Variants in CRADD observed in about 807,000 individuals in gnomAD.
CRADD encodes the protein CARD and death domain containing adaptor protein, also known as death domain-containing protein CRADD.
In CRADD, 9 loss-of-function variants were observed where a neutral mutation model predicts 15.5. The ratio of observed to expected loss-of-function variants is 0.58; its 90% CI spans 0.35 to 1.01. The LOEUF is 1.01. CRADD is among the 50% of genes least tolerant of loss of function. CRADD has a pLI of 0.02. For synonymous variants in CRADD, 118 were observed against 107.6 expected (o/e 1.10, Z -0.60); for missense variants, 227 against 250.3 (o/e 0.91, Z 0.63).
intron 2 of CRADD, among the ~76,000 whole-genome samples, chr12:93,887,635 T>A (rs1279752289): frequency 6.6e-6 from 1 of 151,950 alleles, no homozygotes; most frequent in Non-Finnish European, 1.5e-5. Flanking sequence ...CTGACTGAAA[T>A]ACTTGCTTTA....
At chr12:93,874,927 C>G (rs1958448002) in intron 2 of CRADD, among the ~76,000 whole-genome samples, 1 of 151,992 alleles carries the variant, frequency 6.6e-6, no homozygotes, top group Non-Finnish European at 1.5e-5. Context: ...TAAATATTTA[C>G]TAGATCCATT....
intron 2 of CRADD, among the ~76,000 whole-genome samples, chr12:93,821,259 GC>G (rs1957766600): frequency 1.3e-5 from 2 of 152,166 alleles, no homozygotes; most frequent in South Asian, 4.1e-4. Flanking sequence ...GTTCTCCCCA[GC>G]CCGCATAGCT....
At chr12:93,789,926 T>C (rs1053051013) in intron 2 of CRADD, among the ~76,000 whole-genome samples, 2 of 152,230 alleles carry the variant, frequency 1.3e-5, no homozygotes, top group Non-Finnish European at 2.9e-5. Context: ...CTTGTTGTTT[T>C]GGGTCCTCTT....
chr12:93,784,418 G>C (rs1445129295), intron 2 of CRADD, among the ~76,000 whole-genome samples: 2 of 151,982 alleles, frequency 1.3e-5, no homozygotes, highest in Non-Finnish European at 2.9e-5. Flanking sequence ...GTTGCCCAAG[G>C]TTGCACGGTT....
chr12:93,807,981 C>CAAAAAAAAA, intron 2 of CRADD, among the ~76,000 whole-genome samples: 1 of 67,740 alleles, frequency 1.5e-5, no homozygotes, highest in Non-Finnish European at 2.7e-5. Context: ...AAGTGTTATG[C>CAAAAAAAAA]AAAAAAAAAA....
chr12:93,806,462 AAAAAAAAAAACAAAAAAAAG>A (rs1957539519), intron 2 of CRADD, among the ~76,000 whole-genome samples: 1 of 149,184 alleles, frequency 6.7e-6, no homozygotes, highest in Non-Finnish European at 1.5e-5. Flanking sequence ...AAAAAAAAAA[AAAAAAAAAAACAAAAAAAAG>A]AAAAAAAAGG....
At chr12:93,715,624 T>C (rs1394062947) in intron 2 of CRADD, among the ~76,000 whole-genome samples, 3 of 152,024 alleles carry the variant, frequency 2.0e-5, no homozygotes, top group African/African-American at 7.3e-5. Context: ...AATAAATAAA[T>C]AGAAATTTAA....
At chr12:93,768,536 A>G (rs1446008983) in intron 2 of CRADD, among the ~76,000 whole-genome samples, 2 of 151,892 alleles carry the variant, frequency 1.3e-5, no homozygotes, top group Non-Finnish European at 2.9e-5. Flanking sequence ...TTTTGAAATT[A>G]AGCAATTAAC....
At chr12:93,740,231 AGTT>A (rs1254354107) in intron 2 of CRADD, among the ~76,000 whole-genome samples, 1 of 152,204 alleles carries the variant, frequency 6.6e-6, no homozygotes, top group Non-Finnish European at 1.5e-5. Context: ...AAAACAGACC[AGTT>A]GTTTATTAGC....
chr12:93,852,708 T>G (rs1462818985), downstream of CRADD, among the ~76,000 whole-genome samples: 1 of 152,196 alleles, frequency 6.6e-6, no homozygotes, highest in Admixed American at 6.5e-5. Context: ...TGGGAGAAGA[T>G]TCTACAATTT....
At chr12:93,854,713 A>T (rs138167741), downstream of CRADD, among the ~76,000 whole-genome samples, 128 of 152,202 alleles carry the variant, frequency 8.4e-4, 1 homozygote, top group African/African-American at 3.0e-3. Context: ...CACAGAATGC[A>T]CATCCTTTGC....
intron 2 of CRADD, among the ~76,000 whole-genome samples, chr12:93,758,136 G>A (rs1344621934): frequency 6.6e-6 from 1 of 152,236 alleles, no homozygotes; most frequent in Non-Finnish European, 1.5e-5. Context: ...CATTGCTGCT[G>A]TTATCATGGT....
downstream of CRADD, among the ~76,000 whole-genome samples, chr12:93,853,443 G>A (rs1958244656): frequency 1.3e-5 from 1 of 75,060 alleles, no homozygotes; most frequent in Admixed American, 1.2e-4. Context: ...TATAATTTTT[G>A]TGGCATGTTT....
downstream of CRADD, among the ~76,000 whole-genome samples, chr12:93,853,891 C>T (rs1319061438): frequency 1.3e-5 from 2 of 152,182 alleles, no homozygotes; most frequent in Non-Finnish European, 2.9e-5. Flanking sequence ...CATGTCTTAA[C>T]CACTTCCCTG....
intron 2 of CRADD, among the ~76,000 whole-genome samples, chr12:93,801,270 A>G (rs1957473904): frequency 6.6e-6 from 1 of 152,254 alleles, no homozygotes; most frequent in Admixed American, 6.5e-5. Context: ...CATGAGGTGG[A>G]AGCAAAATGG....
At chr12:93,767,002 G>A (rs1957033099) in intron 2 of CRADD, among the ~76,000 whole-genome samples, 1 of 152,130 alleles carries the variant, frequency 6.6e-6, no homozygotes, top group African/African-American at 2.4e-5. Flanking sequence ...AAGTGGGTGT[G>A]GACACATTTC....
At chr12:93,731,381 A>AG (rs1365900433) in intron 2 of CRADD, among the ~76,000 whole-genome samples, 1 of 152,234 alleles carries the variant, frequency 6.6e-6, no homozygotes, top group Non-Finnish European at 1.5e-5. Context: ...TGCTTTTGTT[A>AG]GGGAGTATGT....
chr12:93,752,591 A>T (rs910625970), intron 2 of CRADD, among the ~76,000 whole-genome samples: 2 of 152,224 alleles, frequency 1.3e-5, no homozygotes, highest in Non-Finnish European at 2.9e-5. Flanking sequence ...TACTCCAAAC[A>T]GTTAGAACAA....
intron 2 of CRADD, among the ~76,000 whole-genome samples, chr12:93,692,587 A>T (rs1955600749): frequency 3.3e-5 from 5 of 152,150 alleles, no homozygotes; most frequent in Admixed American, 3.3e-4. Flanking sequence ...CAAAATGTTG[A>T]TGGAAAAAAA....
Sources: allele counts gnomAD v4.1 joint callset (sites outside exome capture counted in the v4.1 genomes callset), GRCh38; gene constraint gnomAD v4.1.1; transcripts MANE v1.5; gene names NCBI Gene and HGNC (gene_info 2026-07-23, HGNC 2026-07-21).